The following EDA variants were observed in gnomAD, a reference collection of about 807,000 sequenced individuals.
The protein encoded by EDA is ectodysplasin-A.
A neutral mutation model predicts 23.6 loss-of-function variants in EDA; 2 were observed. That is an observed-to-expected ratio of 0.08 (90% CI 0.03 to 0.27). EDA has a LOEUF of 0.27. EDA is among the 10% of genes least tolerant of loss of function. The probability of loss-of-function intolerance (pLI) is 1.00; values close to 1 mark genes in which losing one functional copy is unlikely to be tolerated. For missense variants in EDA, 229 were observed against 324.2 expected, an observed-to-expected ratio of 0.71 and a Z score of 2.26; for synonymous variants, 131 against 132.0, an observed-to-expected ratio of 0.99 and a Z score of 0.05.
chrX:69,685,720 G>C (rs1336115582), intron 1 of EDA, among the ~76,000 whole-genome samples: 3 of 111,700 alleles, frequency 2.7e-5, no homozygotes, highest in Non-Finnish European at 3.8e-5. Context: ...AGGCAGAAAA[G>C]GGTTTTTATT....
At chrX:69,712,160 C>T (rs990433723) in intron 1 of EDA, among the ~76,000 whole-genome samples, 3 of 110,434 alleles carry the variant, frequency 2.7e-5, no homozygotes, top group Non-Finnish European at 3.8e-5. Flanking sequence ...CTACACACTG[C>T]TTTGAATGTG....
At chrX:69,758,709 G>A (rs1253142046) in intron 1 of EDA, among the ~76,000 whole-genome samples, 5 of 112,053 alleles carry the variant, frequency 4.5e-5, no homozygotes, top group Admixed American at 2.8e-4. Context: ...GGTGGCATGC[G>A]CCTGTAGTTC....
At chrX:69,693,360 G>C (rs1934766330) in intron 1 of EDA, among the ~76,000 whole-genome samples, 1 of 111,445 alleles carries the variant, frequency 9.0e-6, no homozygotes, top group South Asian at 3.8e-4. Context: ...GAATGGTTTA[G>C]GTGAGTTAAG....
At chrX:69,724,958 T>C (rs2012736235) in intron 1 of EDA, among the ~76,000 whole-genome samples, 1 of 112,397 alleles carries the variant, frequency 8.9e-6, no homozygotes, top group South Asian at 3.7e-4. Context: ...TAGTATCTAC[T>C]ATAATGTTTT....
intron 1 of EDA, among the ~76,000 whole-genome samples, chrX:69,703,188 C>G (rs2011584461): frequency 9.0e-6 from 1 of 111,663 alleles, no homozygotes; most frequent in South Asian, 3.8e-4. Context: ...GCCTGGCACA[C>G]ACCGGAACCT....
chrX:69,882,403 C>T (rs1301449175), intron 1 of EDA, among the ~76,000 whole-genome samples: 2 of 111,989 alleles, frequency 1.8e-5, no homozygotes, highest in Admixed American at 1.9e-4. Flanking sequence ...TACACCAGCA[C>T]CCAGTGTGCA....
Position 69,878,878 on chromosome X carries a change from A to G in EDA, c.397-78149A>G, listed in dbSNP as rs188900759. Among the ~76,000 whole-genome samples, 36 of 110,879 alleles carry G rather than the reference A, an allele frequency of 3.2e-4. No homozygotes were observed. The East Asian group carries it at 5.7e-3, about 18-fold the overall frequency. ...CTTCTTGCCTCCGTCGGCAACAGAG[A>G]AAAACAGTGCATACGACTCCTCCAA... On this transcript the variant is annotated intron_variant, in intron 1 of 7. Coordinates refer to ENST00000374552, the MANE Select transcript of EDA (RefSeq NM_001399.5).
chrX:69,856,710 TA>T (rs756476049), intron 1 of EDA, among the ~76,000 whole-genome samples: 4 of 68,789 alleles, frequency 5.8e-5, no homozygotes, highest in Admixed American at 4.2e-4. Flanking sequence ...TTGATGCGAT[TA>T]TTTTTTTTTT....
Position 70,029,495 on chromosome X carries a change from A to G in EDA, c.707-9A>G, listed in dbSNP as rs369843699. 9.9e-6 allele frequency: 12 copies of G among 1,210,332 alleles called. No homozygotes were observed. The African/African-American group carries it at 1.7e-4, about 18-fold the overall frequency. Reference sequence around the variant, plus strand: ...TTATGCCCTCTGATTGTCCTATCCTATTTTGCAGGTGCTGCTGATAAAGCT... The same window carrying G: ...TTATGCCCTCTGATTGTCCTATCCTGTTTTGCAGGTGCTGCTGATAAAGCT... On this transcript the variant is annotated splice_polypyrimidine_tract_variant and intron_variant, in intron 4 of 7. Transcript: ENST00000374552.
At chrX:69,627,762 T>C (rs1039182352) in intron 1 of EDA, among the ~76,000 whole-genome samples, 1 of 111,995 alleles carries the variant, frequency 8.9e-6, no homozygotes, top group Non-Finnish European at 1.9e-5. Context: ...TGGGTGGTAG[T>C]GAATGCTTAA....
intron 1 of EDA, among the ~76,000 whole-genome samples, chrX:69,950,517 G>T (rs1335069463): frequency 1.6e-5 from 1 of 63,773 alleles, no homozygotes; most frequent in South Asian, 1.2e-3. Context: ...TTCAACCATT[G>T]TGGAAGTCAG....
intron 1 of EDA, among the ~76,000 whole-genome samples, chrX:69,755,141 A>G (rs2014060816): frequency 9.0e-6 from 1 of 111,366 alleles, no homozygotes; most frequent in South Asian, 3.8e-4. Flanking sequence ...AGGCGCTCTG[A>G]TTTTTAGAAT....
At chrX:69,711,725 A>T (rs1240231846) in intron 1 of EDA, among the ~76,000 whole-genome samples, 12 of 111,088 alleles carry the variant, frequency 1.1e-4, no homozygotes, top group Non-Finnish European at 3.8e-5. Context: ...GTCTTGAGAG[A>T]GTGTATGTGT....
At chrX:69,777,090 T>C in intron 1 of EDA, among the ~76,000 whole-genome samples, 1 of 111,496 alleles carries the variant, frequency 9.0e-6, no homozygotes, top group Non-Finnish European at 1.9e-5. Context: ...ACAAAACCTA[T>C]GAGTCTTTTC....
chrX:69,765,974 C>A (rs1442224669), intron 1 of EDA, among the ~76,000 whole-genome samples: 1 of 112,114 alleles, frequency 8.9e-6, no homozygotes, highest in African/African-American at 3.2e-5. Context: ...AAGAATCGTA[C>A]AGCATGTGAC....
At chrX:69,905,959 G>A (rs1156289048) in intron 1 of EDA, among the ~76,000 whole-genome samples, 1 of 111,346 alleles carries the variant, frequency 9.0e-6, no homozygotes. Context: ...ATAGTCAGTA[G>A]TCTTGTCCTA....
chrX:69,830,067 C>T (rs906076208), intron 1 of EDA, among the ~76,000 whole-genome samples: 17 of 110,831 alleles, frequency 1.5e-4, no homozygotes, highest in African/African-American at 4.6e-4. Context: ...ATTAGTCTTC[C>T]GGCTCCTTTT....
chrX:69,776,156 G>C (rs987062485), intron 1 of EDA, among the ~76,000 whole-genome samples: 1 of 111,959 alleles, frequency 8.9e-6, no homozygotes, highest in African/African-American at 3.2e-5. Context: ...TTCTATAACT[G>C]ATTCTTACAT....
In EDA at chrX:69,852,019, A is replaced by T. The variant is rs1448936001; in HGVS notation, c.397-105008A>T. Among the ~76,000 whole-genome samples, 3 of 112,302 alleles carry T rather than the reference A, an allele frequency of 2.7e-5. No homozygotes were observed. The Admixed American group carries it at 2.8e-4, about 11-fold the overall frequency. ...CTGAAATTAATGTATAAGGCATGTTATATCCTACAGAAAAATGCCTTAGTG... is the reference window on the plus strand; with the variant it reads ...CTGAAATTAATGTATAAGGCATGTTTTATCCTACAGAAAAATGCCTTAGTG... On this transcript the variant is annotated intron_variant, in intron 1 of 7. Transcript: ENST00000374552.
Sources: gnomAD v4.1 joint callset for allele counts (sites outside exome capture counted in the v4.1 genomes callset) on GRCh38, gnomAD v4.1.1 for gene constraint, MANE v1.5 for transcripts, NCBI Gene and HGNC (gene_info 2026-07-23, HGNC 2026-07-21) for gene names.